Variants in LUZP2 observed in about 807,000 individuals in gnomAD.
LUZP2 encodes the protein leucine zipper protein 2.
LUZP2 carries 52 observed loss-of-function variants against 51.6 expected under a neutral mutation model. That is an observed-to-expected ratio of 1.01 (90% confidence interval 0.81 to 1.27). The LOEUF (loss-of-function observed/expected upper bound fraction) is 1.27, where lower values mean the gene tolerates loss of function less well. Ranked by LOEUF, LUZP2 falls within the 50% of genes most tolerant of loss-of-function variation. LUZP2 has a pLI of 0.00. For missense variants in LUZP2, 436 were observed against 395.4 expected, an observed-to-expected ratio of 1.10 and a Z score of -0.87; for synonymous variants, 154 against 137.3, an observed-to-expected ratio of 1.12 and a Z score of -0.85.
chr11:24,648,407 A>T (rs1196698468), intron 1 of LUZP2, among the ~76,000 whole-genome samples: 1 of 151,924 alleles, frequency 6.6e-6, no homozygotes. Flanking sequence ...ATATTTAGGG[A>T]ATTTGTTGCA....
intron 5 of LUZP2, among the ~76,000 whole-genome samples, chr11:24,843,944 T>G (rs765792344): frequency 1.3e-5 from 2 of 152,204 alleles, no homozygotes; most frequent in Non-Finnish European, 1.5e-5. Context: ...TGTGAAACTG[T>G]AAGTCCCTTT....
At chr11:25,040,159 C>T (rs887342832) in intron 9 of LUZP2, among the ~76,000 whole-genome samples, 12 of 151,968 alleles carry the variant, frequency 7.9e-5, no homozygotes, top group Non-Finnish European at 1.5e-5. Context: ...TCAATAAATG[C>T]ATATGAGCAT....
intron 9 of LUZP2, among the ~76,000 whole-genome samples, chr11:25,000,834 A>G (rs570428194): frequency 6.6e-6 from 1 of 152,190 alleles, no homozygotes; most frequent in Non-Finnish European, 1.5e-5. Context: ...CACTGCTGCT[A>G]AAGAGTCTAT....
chr11:24,868,643 T>C (rs1851964528), intron 5 of LUZP2, among the ~76,000 whole-genome samples: 1 of 152,146 alleles, frequency 6.6e-6, no homozygotes, highest in Non-Finnish European at 1.5e-5. Context: ...TAATCTATAG[T>C]GGAATACTAA....
At chr11:24,606,273 A>G (rs373730124) in intron 1 of LUZP2, among the ~76,000 whole-genome samples, 2 of 152,082 alleles carry the variant, frequency 1.3e-5, no homozygotes, top group South Asian at 4.1e-4. Flanking sequence ...TAGAAACTAT[A>G]CTTCAATATA....
intron 5 of LUZP2, among the ~76,000 whole-genome samples, chr11:24,799,679 A>G (rs1849641760): frequency 6.6e-6 from 1 of 152,170 alleles, no homozygotes; most frequent in Admixed American, 6.6e-5. Context: ...TAACTCTAGT[A>G]AACTCACCTA....
At chr11:24,539,474 G>C (rs540226697) in intron 1 of LUZP2, among the ~76,000 whole-genome samples, 1 of 151,892 alleles carries the variant, frequency 6.6e-6, no homozygotes, top group African/African-American at 2.4e-5. Context: ...GTACAGATGT[G>C]TAAGGCAGGA....
At chr11:24,897,055 C>T in intron 5 of LUZP2, among the ~76,000 whole-genome samples, 1 of 152,128 alleles carries the variant, frequency 6.6e-6, no homozygotes, top group East Asian at 1.9e-4. Flanking sequence ...GATTTGTAAA[C>T]ACACCAATCA....
At chr11:24,612,486 G>A (rs1161839652) in intron 1 of LUZP2, among the ~76,000 whole-genome samples, 1 of 151,960 alleles carries the variant, frequency 6.6e-6, no homozygotes, top group African/African-American at 2.4e-5. Flanking sequence ...TTTACCTTTA[G>A]TTTCTATTAA....
At chr11:24,999,227 C>A (rs527254966) in intron 9 of LUZP2, among the ~76,000 whole-genome samples, 11 of 152,100 alleles carry the variant, frequency 7.2e-5, no homozygotes, top group Non-Finnish European at 1.6e-4. Context: ...TCTTTATTGA[C>A]CTTCAATTAT....
intron 1 of LUZP2, among the ~76,000 whole-genome samples, chr11:24,599,064 C>G (rs1244958147): frequency 3.3e-5 from 5 of 152,078 alleles, no homozygotes; most frequent in Non-Finnish European, 5.9e-5. Flanking sequence ...TGGTGCTGTA[C>G]TAATTGGATT....
intron 9 of LUZP2, among the ~76,000 whole-genome samples, chr11:25,005,033 A>G (rs901663798): frequency 6.6e-6 from 1 of 152,196 alleles, no homozygotes; most frequent in Non-Finnish European, 1.5e-5. Flanking sequence ...TATCAGGATC[A>G]TCTGAAAACT....
intron 1 of LUZP2, among the ~76,000 whole-genome samples, chr11:24,585,513 CTCA>C (rs1853034021): frequency 6.6e-6 from 1 of 151,954 alleles, no homozygotes; most frequent in Non-Finnish European, 1.5e-5. Context: ...TTTATTTACT[CTCA>C]TGTTTGCACT....
intron 9 of LUZP2, among the ~76,000 whole-genome samples, chr11:24,984,101 T>A (rs1377744016): frequency 6.6e-6 from 1 of 151,720 alleles, no homozygotes; most frequent in African/African-American, 2.4e-5. Flanking sequence ...AAAGATCTAG[T>A]TCTCTGATCA....
chr11:24,766,022 A>C (rs1282516235), intron 5 of LUZP2, among the ~76,000 whole-genome samples: 7 of 152,066 alleles, frequency 4.6e-5, no homozygotes. Flanking sequence ...CAGCCTCCTA[A>C]AATGCTGGGA....
intron 1 of LUZP2, among the ~76,000 whole-genome samples, chr11:24,560,826 A>G (rs1852015722): frequency 6.6e-6 from 1 of 152,198 alleles, no homozygotes; most frequent in Non-Finnish European, 1.5e-5. Context: ...AGCTGGAGAG[A>G]TCAAGACCAA....
At chr11:24,916,047 C>G (rs2133804359) in intron 7 of LUZP2, among the ~76,000 whole-genome samples, 1 of 151,828 alleles carries the variant, frequency 6.6e-6, no homozygotes, top group African/African-American at 2.4e-5. Context: ...GTAATGCTTG[C>G]TGTCAAAACA....
Position 24,637,456 on chromosome 11 carries a change from A to G in LUZP2, c.63-91713A>G, listed in dbSNP as rs144492884. ...ACAGAATAACAGCTATTTTCAGAGA[A>G]CAAGGAAAGATAACCATAAGATCTG... On this transcript the variant is annotated intron_variant, in intron 1 of 11. Transcript: ENST00000336930. 6.1e-4 allele frequency among the ~76,000 whole-genome samples: 92 copies of G among 151,966 alleles called. No homozygotes were observed. The East Asian group carries it at 0.015, about 25-fold the overall frequency.
At chr11:24,959,135 T>C (rs1009647590) in intron 7 of LUZP2, among the ~76,000 whole-genome samples, 3 of 152,088 alleles carry the variant, frequency 2.0e-5, no homozygotes, top group Non-Finnish European at 2.9e-5. Context: ...GGTACCAGTA[T>C]CATGCTGTTT....
Sources: gnomAD v4.1 joint callset for allele counts (sites outside exome capture counted in the v4.1 genomes callset) on GRCh38, gnomAD v4.1.1 for gene constraint, MANE v1.5 for transcripts, NCBI Gene and HGNC (gene_info 2026-07-23, HGNC 2026-07-21) for gene names.